TCEANC2: variants seen among roughly 807,000 people sequenced by gnomAD.
The protein encoded by TCEANC2 is transcription elongation factor A N-terminal and central domain-containing protein 2.
Under a neutral mutation model 22.8 loss-of-function variants are expected in TCEANC2, and 20 were observed. That is an observed-to-expected ratio of 0.88 (90% CI 0.62 to 1.28). The LOEUF (loss-of-function observed/expected upper bound fraction) is 1.28, where lower values mean the gene tolerates loss of function less well. Among genes scored for constraint, TCEANC2 ranks in the 50% most tolerant of loss-of-function variants. The probability of loss-of-function intolerance (pLI) is 0.00; values close to 1 mark genes in which losing one functional copy is unlikely to be tolerated. For missense variants in TCEANC2, 251 were observed against 249.7 expected, an observed-to-expected ratio of 1.01 and a Z score of -0.03; for synonymous variants, 84 against 95.5, an observed-to-expected ratio of 0.88 and a Z score of 0.70.
chr1:54,069,568 A>G (rs1243333603), intron 3 of TCEANC2, among the ~76,000 whole-genome samples: 1 of 151,458 alleles, frequency 6.6e-6, no homozygotes, highest in African/African-American at 2.4e-5. Context: ...AGATCGTGCC[A>G]CTGCACTCCA....
chr1:54,082,488 G>A (rs1658265849), intron 3 of TCEANC2, among the ~76,000 whole-genome samples: 1 of 152,196 alleles, frequency 6.6e-6, no homozygotes, highest in Non-Finnish European at 1.5e-5. Context: ...TATGCTGGGG[G>A]GCTGGGAATA....
At chr1:54,081,313 C>T (rs1008378760) in intron 3 of TCEANC2, among the ~76,000 whole-genome samples, 33 of 152,294 alleles carry the variant, frequency 2.2e-4, no homozygotes, top group African/African-American at 7.5e-4. Context: ...ACTGCAGCCT[C>T]GAACTCCTGG....
At chr1:54,072,211 A>T (rs1241864938) in intron 3 of TCEANC2, among the ~76,000 whole-genome samples, 1 of 151,780 alleles carries the variant, frequency 6.6e-6, no homozygotes, top group Non-Finnish European at 1.5e-5. Flanking sequence ...TGTTCTTCAT[A>T]CCCTTTAGTT....
chr1:54,054,613 T>C, intron 2 of TCEANC2, 89 bp downstream of exon 2: 5 of 1,268,332 alleles, frequency 3.9e-6, no homozygotes, highest in Non-Finnish European at 5.3e-6. Flanking sequence ...ACCTATGAAT[T>C]ATTTCTTGTT....
Position 54,099,916 on chromosome 1 carries a change from C to T in TCEANC2, c.*3443C>T, listed in dbSNP as rs555909735. 4 of 152,238 alleles carry T rather than the reference C, an allele frequency of 2.6e-5. No homozygotes were observed. The highest frequency in any genetic ancestry group is 9.6e-5 in the African/African-American group (4 of 41,526). 9.4% of individuals were successfully genotyped at this position (152,238 alleles called of 1,614,324 possible). On this transcript the variant is annotated 3_prime_UTR_variant, in exon 5 of 5. Transcript: ENST00000234827. ...ATACCATTTGTGTCTGCTCTAATAGCTTATTGATGCTTTTCTTGTAGTGGT... is the reference window on the plus strand; with the variant it reads ...ATACCATTTGTGTCTGCTCTAATAGTTTATTGATGCTTTTCTTGTAGTGGT...
rs1658652832 is a variant in TCEANC2, at chr1:54,100,958, A to G, written c.*4485A>G. On this transcript the variant is annotated 3_prime_UTR_variant, in exon 5 of 5. Coordinates refer to ENST00000234827, the MANE Select transcript of TCEANC2 (RefSeq NM_153035.3). ...AAACACTTGAGATTCAGTCAATTAGAGGTTTTTTTTTTTTGACAAATGAAG... is the reference window on the plus strand; with the variant it reads ...AAACACTTGAGATTCAGTCAATTAGGGGTTTTTTTTTTTTGACAAATGAAG... 2 of 152,014 alleles carry G rather than the reference A, an allele frequency of 1.3e-5. No individual in the cohort carries two copies. The highest frequency in any genetic ancestry group is 6.5e-5 in the Admixed American group (1 of 15,276). 9.4% of individuals were successfully genotyped at this position (152,014 alleles called of 1,614,324 possible).
chr1:54,106,711 C>T (rs1011771881), downstream of TCEANC2, among the ~76,000 whole-genome samples: 3 of 150,644 alleles, frequency 2.0e-5, no homozygotes, highest in Non-Finnish European at 3.0e-5. Flanking sequence ...ACACTATGAA[C>T]TATTTATGTA....
chr1:54,074,457 C>A (rs927389573), intron 3 of TCEANC2, among the ~76,000 whole-genome samples: 1 of 150,552 alleles, frequency 6.6e-6, no homozygotes, highest in Non-Finnish European at 1.5e-5. Context: ...ACCGAGACTC[C>A]GTCTCAAAAA....
chr1:54,104,635 G>T lies in TCEANC2; in HGVS notation c.*8162G>T. 2.3e-6 allele frequency: 1 copy of T among 442,644 alleles called. No homozygotes were observed. The highest frequency in any genetic ancestry group is 4.6e-6 in the Non-Finnish European group (1 of 217,612). The allele number at this position is 442,644 out of a possible 1,614,324, so 27.4% of individuals were successfully genotyped here. On this transcript the variant is annotated 3_prime_UTR_variant, in exon 5 of 5. Transcript: ENST00000234827. ...CGGCTCACTGCAACCTCTGCCTCCT[G>T]GGTTCAAGCTATTCTCCTGCCTCAG...
chr1:54,072,685 G>A (rs921504340), intron 3 of TCEANC2, among the ~76,000 whole-genome samples: 1 of 152,046 alleles, frequency 6.6e-6, no homozygotes, highest in South Asian at 2.1e-4. Context: ...GTGAGCCATC[G>A]GCCTTGGCCT....
At chr1:54,087,571 A>C (rs1410811345) in intron 3 of TCEANC2, among the ~76,000 whole-genome samples, 1 of 152,226 alleles carries the variant, frequency 6.6e-6, no homozygotes, top group Non-Finnish European at 1.5e-5. Flanking sequence ...CAAAGTTTAC[A>C]ATTATTCCAT....
At chr1:54,093,450 A>G (rs528696035) in intron 4 of TCEANC2, among the ~76,000 whole-genome samples, 89 of 152,326 alleles carry the variant, frequency 5.8e-4, no homozygotes, top group Middle Eastern at 3.4e-3. Flanking sequence ...TTTTAATGTC[A>G]CATATTTTTC....
chr1:54,106,086 G>A (rs182328013), downstream of TCEANC2: 1 of 152,296 alleles, frequency 6.6e-6, no homozygotes, highest in East Asian at 1.9e-4. Context: ...ACAAAAACAG[G>A]TGGTGGGCTG....
intron 4 of TCEANC2, chr1:54,090,123 A>G: frequency 1.9e-6 from 1 of 515,294 alleles, no homozygotes; most frequent in Non-Finnish European, 3.6e-6. Flanking sequence ...GTAATAATGA[A>G]TTGTTTAAAA....
intron 4 of TCEANC2, among the ~76,000 whole-genome samples, chr1:54,093,031 A>G (rs1341742265): frequency 6.6e-6 from 1 of 152,242 alleles, no homozygotes; most frequent in Non-Finnish European, 1.5e-5. Context: ...CTGTGAGTAG[A>G]GAAAAGATGT....
At chr1:54,055,255 T>A (rs946965104) in intron 2 of TCEANC2, among the ~76,000 whole-genome samples, 2 of 152,126 alleles carry the variant, frequency 1.3e-5, no homozygotes, top group Admixed American at 6.5e-5. Context: ...CATGAGCCAC[T>A]GTGCCCAGCT....
At chr1:54,074,356 A>C (rs1472336722) in intron 3 of TCEANC2, among the ~76,000 whole-genome samples, 2 of 152,104 alleles carry the variant, frequency 1.3e-5, no homozygotes, top group African/African-American at 4.8e-5. Flanking sequence ...CCAGCTACTC[A>C]GGAGGCTGAG....
chr1:54,086,537 G>T (rs186993354), intron 3 of TCEANC2, among the ~76,000 whole-genome samples: 1 of 152,260 alleles, frequency 6.6e-6, no homozygotes, highest in East Asian at 1.9e-4. Flanking sequence ...ATGCTCAAAA[G>T]TAAAGAGATA....
chr1:54,081,090 G>A lies in TCEANC2; in HGVS notation c.245-7507G>A, dbSNP rs542588331. On this transcript the variant is annotated intron_variant, in intron 3 of 4. Coordinates refer to ENST00000234827, the MANE Select transcript of TCEANC2 (RefSeq NM_153035.3). Reference sequence around the variant, plus strand: ...CTGGTCTGGCTTCTTGTTGTTTTTCGCAAGTTACCTCGCCTCTCAGTACCT... The same window carrying A: ...CTGGTCTGGCTTCTTGTTGTTTTTCACAAGTTACCTCGCCTCTCAGTACCT... 6.6e-5 allele frequency among the ~76,000 whole-genome samples: 10 copies of A among 152,164 alleles called. No homozygotes were observed. The South Asian group carries it at 1.9e-3, about 28-fold the overall frequency.
Sources: gnomAD v4.1 joint callset for allele counts (sites outside exome capture counted in the v4.1 genomes callset) on GRCh38, gnomAD v4.1.1 for gene constraint, MANE v1.5 for transcripts, NCBI Gene and HGNC (gene_info 2026-07-23, HGNC 2026-07-21) for gene names.